Variants in MAP2K6 observed in about 807,000 individuals in gnomAD.
MAP2K6 encodes dual specificity mitogen-activated protein kinase kinase 6.
Under a neutral mutation model 53.7 loss-of-function variants are expected in MAP2K6, and 16 were observed. The ratio of observed to expected loss-of-function variants is 0.30; its 90% CI spans 0.20 to 0.45. MAP2K6 has a LOEUF of 0.45. Ranked by LOEUF, MAP2K6 falls within the 20% of genes least tolerant of loss-of-function variation. The pLI is 1.00. For synonymous variants in MAP2K6, 132 were observed against 143.1 expected, an observed-to-expected ratio of 0.92 and a Z score of 0.55; for missense variants, 204 against 411.9, an observed-to-expected ratio of 0.50 and a Z score of 4.37.
rs550866702 is a variant in MAP2K6, at chr17:69,421,914, G to A, written c.16+6914G>A. On this transcript the variant is annotated intron_variant, in intron 1 of 11. Coordinates refer to ENST00000590474, the MANE Select transcript of MAP2K6 (RefSeq NM_002758.4). The stretch of plus-strand genomic sequence containing the variant: ...AACTTCGCAAGGATCACCTCCCAGT[G>A]AAATGATTCTTCACTTCCTCCTTGA... Among the ~76,000 whole-genome samples the A allele has an allele frequency of 3.2e-3, 486 of 151,922 alleles. 9 individuals are homozygous for A. The highest frequency in any genetic ancestry group is 0.011 in the African/African-American group (456 of 41,416).
In MAP2K6 at chr17:69,516,918, T is replaced by C; in HGVS notation, c.132+15T>C. On this transcript the variant is annotated intron_variant, in intron 3 of 11. Coordinates refer to ENST00000590474, the MANE Select transcript of MAP2K6 (RefSeq NM_002758.4). ...TTGGAAATCAGGTAAGAAAAAATCA[T>C]GTCTGCCACCTAATACGTTGGCCAT... is the stretch of plus-strand genomic sequence containing the variant. 2.5e-6 allele frequency: 4 copies of C among 1,569,028 alleles called. No homozygotes were observed. The highest frequency in any genetic ancestry group is 1.1e-5 in the South Asian group (1 of 89,678).
Position 69,553,029 on chromosome 17 carries a change from G to T in MAP2K6, c.*11276G>T, listed in dbSNP as rs977984332. The T allele has an allele frequency of 7.2e-5, 11 of 152,186 alleles. No individual in the cohort carries two copies. The highest frequency in any genetic ancestry group is 5.2e-4 in the Admixed American group (8 of 15,280). The allele number at this position is 152,186 out of a possible 1,614,324, so 9.4% of individuals were successfully genotyped here. A position where few individuals can be genotyped will look rare whatever the true frequency, so the allele number is the denominator to read the frequency against. ...AATTGAGGGATAATGTAGCTTTAAAGAAATTATGTTTCTTTTTAACATTTG... is the reference window on the plus strand; with the variant it reads ...AATTGAGGGATAATGTAGCTTTAAATAAATTATGTTTCTTTTTAACATTTG... On this transcript the variant is annotated 3_prime_UTR_variant, in exon 12 of 12. Coordinates refer to ENST00000590474, the MANE Select transcript of MAP2K6 (RefSeq NM_002758.4).
At chr17:69,467,065 T>C (rs1226872772) in intron 1 of MAP2K6, among the ~76,000 whole-genome samples, 1 of 152,204 alleles carries the variant, frequency 6.6e-6, no homozygotes, top group Non-Finnish European at 1.5e-5. Context: ...GAATTGGTAA[T>C]GACTCATGAA....
intron 1 of MAP2K6, among the ~76,000 whole-genome samples, chr17:69,443,344 C>A (rs1464264829): frequency 1.3e-5 from 2 of 152,144 alleles, no homozygotes; most frequent in African/African-American, 4.8e-5. Context: ...CAGTGTAAGG[C>A]GCCATGGAGG....
chr17:69,536,591 G>A (rs866908375), intron 11 of MAP2K6, among the ~76,000 whole-genome samples: 4 of 152,072 alleles, frequency 2.6e-5, no homozygotes, highest in Middle Eastern at 3.4e-3. Context: ...CTTTTTGGGG[G>A]GTAGCTAAGG....
intron 1 of MAP2K6, among the ~76,000 whole-genome samples, chr17:69,496,132 G>A (rs1372409081): frequency 2.0e-5 from 3 of 151,716 alleles, no homozygotes; most frequent in Non-Finnish European, 4.4e-5. Flanking sequence ...ACCCATTTGA[G>A]CACTTTTATT....
At chr17:69,436,663 T>C (rs762924798) in intron 1 of MAP2K6, among the ~76,000 whole-genome samples, 1 of 152,156 alleles carries the variant, frequency 6.6e-6, no homozygotes, top group Non-Finnish European at 1.5e-5. Flanking sequence ...CTTCTTCTCA[T>C]AGGAGAATAT....
At chr17:69,419,804 G>A (rs1476626572) in intron 1 of MAP2K6, among the ~76,000 whole-genome samples, 2 of 151,710 alleles carry the variant, frequency 1.3e-5, no homozygotes, top group Non-Finnish European at 2.9e-5. Context: ...GTGCACACCT[G>A]TAATCCCAGC....
chr17:69,466,244 A>G (rs1279546092), intron 1 of MAP2K6, among the ~76,000 whole-genome samples: 2 of 150,906 alleles, frequency 1.3e-5, no homozygotes, highest in Non-Finnish European at 3.0e-5. Context: ...GTGAGCCAAG[A>G]GCAAGCCACT....
In MAP2K6 at chr17:69,548,888, A is replaced by G. The variant is rs75188467; in HGVS notation, c.*7135A>G. On this transcript the variant is annotated 3_prime_UTR_variant, in exon 12 of 12. Coordinates refer to ENST00000590474, the MANE Select transcript of MAP2K6 (RefSeq NM_002758.4). ...GTTTCTGACCCAGATTTCTTTTTCAAGCAAAACTCCTCTGAAAGCCTCTTT... is the reference window on the plus strand; with the variant it reads ...GTTTCTGACCCAGATTTCTTTTTCAGGCAAAACTCCTCTGAAAGCCTCTTT... The G allele has an allele frequency of 1.3e-5, 2 of 152,210 alleles. No individual in the cohort carries two copies. The highest frequency in any genetic ancestry group is 3.8e-4 in the East Asian group (2 of 5,200). 9.4% of individuals were successfully genotyped at this position (152,210 alleles called of 1,614,324 possible). A position where few individuals can be genotyped will look rare whatever the true frequency, so the allele number is the denominator to read the frequency against.
intron 1 of MAP2K6, among the ~76,000 whole-genome samples, chr17:69,495,690 A>G (rs1908920839): frequency 6.6e-6 from 1 of 151,976 alleles, no homozygotes. Flanking sequence ...AAATTCTAGA[A>G]TAATATCATT....
intron 1 of MAP2K6, among the ~76,000 whole-genome samples, chr17:69,475,610 G>T (rs9896967): frequency 0.033 from 4,954 of 152,300 alleles, 270 homozygotes; most frequent in African/African-American, 0.11. Flanking sequence ...GTCTTATGTT[G>T]CCTATTCCAC....
intron 1 of MAP2K6, among the ~76,000 whole-genome samples, chr17:69,428,263 G>A (rs975449629): frequency 1.3e-5 from 2 of 152,192 alleles, no homozygotes; most frequent in East Asian, 1.9e-4. Context: ...TCAAGTTGGC[G>A]GCAGGGCTGG....
chr17:69,514,866 A>G (rs1337453379), intron 2 of MAP2K6, among the ~76,000 whole-genome samples: 6 of 152,196 alleles, frequency 3.9e-5, no homozygotes, highest in Non-Finnish European at 8.8e-5. Context: ...CTCCGCCCAT[A>G]TTCCTACTTT....
At chr17:69,485,958 T>G (rs1908518405) in intron 1 of MAP2K6, among the ~76,000 whole-genome samples, 1 of 151,290 alleles carries the variant, frequency 6.6e-6, no homozygotes, top group Admixed American at 6.6e-5. Context: ...GACTACAATC[T>G]TTTTATTTTC....
chr17:69,513,363 T>C (rs185710054), intron 2 of MAP2K6, among the ~76,000 whole-genome samples: 93 of 152,362 alleles, frequency 6.1e-4, no homozygotes, highest in African/African-American at 2.2e-3. Flanking sequence ...CTTCTCTTCT[T>C]CCTCTTTCTC....
rs1911660137 is a variant in MAP2K6, at chr17:69,541,962, A to T, written c.*209A>T. On this transcript the variant is annotated 3_prime_UTR_variant, in exon 12 of 12. Transcript: ENST00000590474. ...AATGAACTGTCTAGATGGATGAATT[A>T]TGATAAAGGCTTAGGACTTCAAAAG... The T allele has an allele frequency of 2.7e-6, 1 of 368,122 alleles. No homozygotes were observed. The highest frequency in any genetic ancestry group is 4.3e-5 in the Admixed American group (1 of 23,178). 22.8% of individuals were successfully genotyped at this position (368,122 alleles called of 1,614,324 possible).
At chr17:69,461,290 G>A (rs562446075) in intron 1 of MAP2K6, among the ~76,000 whole-genome samples, 7 of 152,198 alleles carry the variant, frequency 4.6e-5, no homozygotes, top group African/African-American at 1.7e-4. Flanking sequence ...TGTCCTCACT[G>A]CTCTGTATGT....
At chr17:69,531,500 T>C (rs1911084165) in intron 10 of MAP2K6, among the ~76,000 whole-genome samples, 1 of 152,158 alleles carries the variant, frequency 6.6e-6, no homozygotes, top group Non-Finnish European at 1.5e-5. Context: ...CACTGCTTGT[T>C]AGTTGACAGT....
Sources: gnomAD v4.1 joint callset for allele counts (sites outside exome capture counted in the v4.1 genomes callset) on GRCh38, gnomAD v4.1.1 for gene constraint, MANE v1.5 for transcripts, NCBI Gene and HGNC (gene_info 2026-07-23, HGNC 2026-07-21) for gene names.